SYNPR: variants seen among roughly 807,000 people sequenced by gnomAD.
The protein encoded by SYNPR is synaptoporin.
SYNPR carries 23 observed loss-of-function variants against 32.9 expected under a neutral mutation model. The observed-to-expected ratio is 0.70, with a 90% CI of 0.50 to 0.99. The LOEUF (loss-of-function observed/expected upper bound fraction) is 0.99, where lower values mean the gene tolerates loss of function less well. Among genes scored for constraint, SYNPR ranks in the 50% least tolerant of loss-of-function variants. The pLI, the probability that SYNPR is intolerant of heterozygous loss-of-function variation, is 0.00. For missense variants in SYNPR, 318 were observed against 349.3 expected, an observed-to-expected ratio of 0.91 and a Z score of 0.71; for synonymous variants, 146 against 135.9, an observed-to-expected ratio of 1.07 and a Z score of -0.52.
At chr3:63,586,044 G>A (rs1462105281) in intron 4 of SYNPR, among the ~76,000 whole-genome samples, 2 of 152,030 alleles carry the variant, frequency 1.3e-5, no homozygotes, top group African/African-American at 4.8e-5. Context: ...TGGGGAAGTG[G>A]CAAAGGAATA....
intron 2 of SYNPR, among the ~76,000 whole-genome samples, chr3:63,425,199 G>T (rs566381886): frequency 6.6e-6 from 1 of 152,292 alleles, no homozygotes; most frequent in Admixed American, 6.5e-5. Flanking sequence ...TATCTATAGA[G>T]TAATTCACAT....
At chr3:63,432,977 G>C (rs1429184004) in intron 2 of SYNPR, among the ~76,000 whole-genome samples, 1 of 152,220 alleles carries the variant, frequency 6.6e-6, no homozygotes, top group African/African-American at 2.4e-5. Flanking sequence ...GGAGAGGTCA[G>C]GGTTTGGAAC....
intron 4 of SYNPR, among the ~76,000 whole-genome samples, chr3:63,596,651 A>T: frequency 6.6e-6 from 1 of 152,014 alleles, no homozygotes; most frequent in Non-Finnish European, 1.5e-5. Context: ...GATCATATAA[A>T]CCCAACTATG....
At chr3:63,539,325 T>C (rs142026486) in intron 3 of SYNPR, among the ~76,000 whole-genome samples, 1 of 152,244 alleles carries the variant, frequency 6.6e-6, no homozygotes, top group East Asian at 1.9e-4. Flanking sequence ...TCACAAGTTT[T>C]AATTCCTGGG....
chr3:63,241,145 T>C (rs920618210), intron 1 of SYNPR, among the ~76,000 whole-genome samples: 6 of 152,108 alleles, frequency 3.9e-5, no homozygotes, highest in African/African-American at 1.4e-4. Flanking sequence ...GTCTCCCACC[T>C]TGCTCAAGAG....
intron 4 of SYNPR, among the ~76,000 whole-genome samples, chr3:63,585,739 A>C (rs998355715): frequency 2.0e-5 from 3 of 152,148 alleles, no homozygotes; most frequent in African/African-American, 7.2e-5. Flanking sequence ...TAGTTGTGCA[A>C]GATATCGTCC....
intron 2 of SYNPR, among the ~76,000 whole-genome samples, chr3:63,445,749 T>C (rs1700266200): frequency 1.3e-5 from 2 of 152,184 alleles, no homozygotes; most frequent in African/African-American, 4.8e-5. Context: ...GTGAGCGGGA[T>C]GAGTCTCGGA....
intron 2 of SYNPR, among the ~76,000 whole-genome samples, chr3:63,409,948 C>T (rs950023953): frequency 2.0e-5 from 3 of 152,138 alleles, no homozygotes; most frequent in South Asian, 2.1e-4. Context: ...GCCCCAACAG[C>T]GTTCCAGAGA....
intron 2 of SYNPR, among the ~76,000 whole-genome samples, chr3:63,324,250 G>A (rs906279066): frequency 1.3e-5 from 2 of 151,978 alleles, no homozygotes; most frequent in African/African-American, 4.8e-5. Context: ...TTGATGAAAA[G>A]ATATTAAGAA....
chr3:63,296,705 C>A (rs1211409531), intron 2 of SYNPR, among the ~76,000 whole-genome samples: 1 of 152,106 alleles, frequency 6.6e-6, no homozygotes, highest in Non-Finnish European at 1.5e-5. Flanking sequence ...ATGTAATGTA[C>A]TGAGAAGAAC....
At chr3:63,416,776 T>C (rs116453239) in intron 2 of SYNPR, among the ~76,000 whole-genome samples, 6,709 of 150,634 alleles carry the variant, frequency 0.045, 526 homozygotes, top group African/African-American at 0.16. Flanking sequence ...TGCAGGAAAA[T>C]TCCCCCCTGT....
intron 2 of SYNPR, among the ~76,000 whole-genome samples, chr3:63,358,515 C>A (rs1351641802): frequency 6.6e-6 from 1 of 152,098 alleles, no homozygotes; most frequent in African/African-American, 2.4e-5. Context: ...TTTACTTAAT[C>A]ACATCGGCAA....
At chr3:63,314,274 T>C (rs2087016760) in intron 2 of SYNPR, among the ~76,000 whole-genome samples, 1 of 150,962 alleles carries the variant, frequency 6.6e-6, no homozygotes. Flanking sequence ...GGTAGTTCAG[T>C]TCTTTAGGCA....
the SYNPR span, among the ~76,000 whole-genome samples, chr3:63,209,366 T>C: frequency 6.8e-6 from 1 of 148,148 alleles, no homozygotes; most frequent in Non-Finnish European, 1.5e-5. Context: ...AGTGAAAGAA[T>C]TAAAATGAAC....
At chr3:63,344,730 G>A (rs1480616270) in intron 2 of SYNPR, among the ~76,000 whole-genome samples, 1 of 150,256 alleles carries the variant, frequency 6.7e-6, no homozygotes, top group African/African-American at 2.4e-5. Flanking sequence ...TTTAATAAAT[G>A]CAGAGCCGGC....
intron 3 of SYNPR, among the ~76,000 whole-genome samples, chr3:63,494,273 G>A (rs959898864): frequency 8.0e-5 from 12 of 150,258 alleles, no homozygotes; most frequent in African/African-American, 2.2e-4. Context: ...TCACACCCCC[G>A]CCAACAATGT....
chr3:63,587,333 T>A (rs1703204742), intron 4 of SYNPR, among the ~76,000 whole-genome samples: 1 of 152,116 alleles, frequency 6.6e-6, no homozygotes, highest in African/African-American at 2.4e-5. Flanking sequence ...AGTACTCCTG[T>A]CCCATGTTAC....
At chr3:63,418,499 A>T (rs1163626871) in intron 2 of SYNPR, among the ~76,000 whole-genome samples, 1 of 152,142 alleles carries the variant, frequency 6.6e-6, no homozygotes, top group Non-Finnish European at 1.5e-5. Context: ...CCTCTCTACC[A>T]GTACTAATTT....
intron 2 of SYNPR, among the ~76,000 whole-genome samples, chr3:63,380,021 C>G (rs1409833147): frequency 1.3e-5 from 2 of 152,154 alleles, no homozygotes; most frequent in African/African-American, 2.4e-5. Flanking sequence ...ATGAACTCAT[C>G]ATTTTTTATG....
Sources: gnomAD v4.1 joint callset for allele counts (sites outside exome capture counted in the v4.1 genomes callset) on GRCh38, gnomAD v4.1.1 for gene constraint, MANE v1.5 for transcripts, NCBI Gene and HGNC (gene_info 2026-07-23, HGNC 2026-07-21) for gene names.